The following LIN54 variants were observed in gnomAD, a reference collection of about 807,000 sequenced individuals.
LIN54 encodes protein lin-54 homolog.
In LIN54, 9 loss-of-function variants were observed where a neutral mutation model predicts 78.7. The ratio of observed to expected loss-of-function variants is 0.11; its 90% CI spans 0.07 to 0.20. LIN54 has a LOEUF of 0.20. Among genes scored for constraint, LIN54 ranks in the 10% least tolerant of loss-of-function variants. The pLI, the probability that LIN54 is intolerant of heterozygous loss-of-function variation, is 1.00. For missense variants in LIN54, 573 were observed against 889.9 expected, an observed-to-expected ratio of 0.64 and a Z score of 4.53; for synonymous variants, 269 against 318.4, an observed-to-expected ratio of 0.84 and a Z score of 1.65.
intron 1 of LIN54, among the ~76,000 whole-genome samples, chr4:82,987,482 T>C (rs1727267258): frequency 6.6e-6 from 1 of 152,174 alleles, no homozygotes; most frequent in Non-Finnish European, 1.5e-5. Context: ...ACGTGTGCCA[T>C]GGTGGTTTGC....
chr4:82,985,860 G>A (rs1727087800), intron 1 of LIN54, among the ~76,000 whole-genome samples: 1 of 151,900 alleles, frequency 6.6e-6, no homozygotes, highest in Non-Finnish European at 1.5e-5. Context: ...CATTTAAAGT[G>A]TCAAAAAGAA....
chr4:82,987,223 G>A (rs1423503921), intron 1 of LIN54, among the ~76,000 whole-genome samples: 1 of 152,012 alleles, frequency 6.6e-6, no homozygotes, highest in African/African-American at 2.4e-5. Context: ...GCCGGGAGGC[G>A]GAGGTTGCAG....
intron 4 of LIN54, among the ~76,000 whole-genome samples, chr4:82,963,500 G>C (rs933824892): frequency 2.0e-5 from 3 of 152,054 alleles, no homozygotes; most frequent in Non-Finnish European, 4.4e-5. Context: ...AGCTAAAACA[G>C]TAAAATGGGT....
chr4:82,996,937 A>G (rs982253830), intron 1 of LIN54, among the ~76,000 whole-genome samples: 1 of 151,890 alleles, frequency 6.6e-6, no homozygotes, highest in Non-Finnish European at 1.5e-5. Flanking sequence ...TGGCCCAGGT[A>G]CTCTATCCCA....
intron 1 of LIN54, among the ~76,000 whole-genome samples, chr4:82,992,424 T>C (rs1727805804): frequency 6.6e-6 from 1 of 152,122 alleles, no homozygotes; most frequent in Non-Finnish European, 1.5e-5. Flanking sequence ...ACACCTGTAA[T>C]CTCAGAACTT....
At position 82,934,401 on chromosome 4, in the gene LIN54, G is replaced by A. The variant is rs187975601; in HGVS notation, c.1845+1580C>T. ...AGCCTGGGCGACAGGGCGAGACTCCGTCTCAAAAACAAAATAACAACAACA... is the reference window on the plus strand; with the variant it reads ...AGCCTGGGCGACAGGGCGAGACTCCATCTCAAAAACAAAATAACAACAACA... On this transcript the variant is annotated intron_variant, in intron 11 of 12. Coordinates refer to ENST00000340417, the MANE Select transcript of LIN54 (RefSeq NM_194282.4). Among the ~76,000 whole-genome samples the A allele has an allele frequency of 6.5e-3, 994 of 152,214 alleles. 7 individuals are homozygous for A. The highest frequency in any genetic ancestry group is 0.022 in the African/African-American group (905 of 41,516).
chr4:82,956,790 T>C (rs1724372872), intron 4 of LIN54, among the ~76,000 whole-genome samples: 1 of 152,068 alleles, frequency 6.6e-6, no homozygotes, highest in South Asian at 2.1e-4. Flanking sequence ...CTTTCTTCTT[T>C]TTCTTAAAAA....
At chr4:82,963,726 A>C (rs906960126) in intron 4 of LIN54, among the ~76,000 whole-genome samples, 8 of 152,146 alleles carry the variant, frequency 5.3e-5, no homozygotes, top group African/African-American at 1.9e-4. Flanking sequence ...AAACGTGGAG[A>C]TAAAATAGAA....
At chr4:82,940,076 C>T (rs907513187) in intron 5 of LIN54, 114 bp from the exon 6 acceptor site, 1 of 733,890 alleles carries the variant, frequency 1.4e-6, no homozygotes, top group Non-Finnish European at 2.2e-6. Flanking sequence ...TAAAGAATTC[C>T]ATTTGATTCC....
intron 1 of LIN54, among the ~76,000 whole-genome samples, chr4:82,995,356 T>A (rs945061848): frequency 2.0e-5 from 3 of 151,002 alleles, no homozygotes; most frequent in South Asian, 2.1e-4. Context: ...TTAAATTTAA[T>A]TTTTTTTTAA....
chr4:82,962,296 A>G (rs1272440831), intron 4 of LIN54, among the ~76,000 whole-genome samples: 3 of 152,224 alleles, frequency 2.0e-5, no homozygotes, highest in Non-Finnish European at 4.4e-5. Context: ...TTTCAGCTCT[A>G]AAAGTTCAAC....
intron 2 of LIN54, among the ~76,000 whole-genome samples, chr4:82,980,648 T>G (rs1368532358): frequency 1.3e-5 from 2 of 152,166 alleles, no homozygotes; most frequent in African/African-American, 4.8e-5. Context: ...TCTATAATTA[T>G]ACTCTAGAAA....
At chr4:82,942,212 A>G (rs1722964522) in intron 5 of LIN54, among the ~76,000 whole-genome samples, 1 of 152,192 alleles carries the variant, frequency 6.6e-6, no homozygotes, top group South Asian at 2.1e-4. Flanking sequence ...CTAGAAGAGA[A>G]TCTTAGAGTA....
rs573358670 is a variant in LIN54 at position 82,951,636 on chromosome 4, A to G, written c.952-5162T>C. 1.4e-3 allele frequency among the ~76,000 whole-genome samples: 211 copies of G among 152,310 alleles called. 2 individuals carry two copies. Among genetic ancestry groups the G allele is most frequent in the African/African-American group, 4.7e-3 (195 of 41,582 alleles). ...TTTATAAAAGTGGGCATCTCAAATC[A>G]ATGGAGAATGATAATAATGTGGATT... is the stretch of plus-strand genomic sequence containing the variant. On this transcript the variant is annotated intron_variant, in intron 4 of 12. Coordinates refer to ENST00000340417, the MANE Select transcript of LIN54 (RefSeq NM_194282.4).
At chr4:82,997,933 G>T (rs577236069) in intron 1 of LIN54, among the ~76,000 whole-genome samples, 1 of 150,280 alleles carries the variant, frequency 6.7e-6, no homozygotes, top group Admixed American at 6.7e-5. Flanking sequence ...GGCAGAGGTT[G>T]CAGTGAACCA....
chr4:82,992,985 G>A (rs1469019181), intron 1 of LIN54, among the ~76,000 whole-genome samples: 6 of 147,184 alleles, frequency 4.1e-5, no homozygotes, highest in Admixed American at 2.8e-4. Flanking sequence ...CTGAGATCAC[G>A]CCACTGCACT....
intron 4 of LIN54, among the ~76,000 whole-genome samples, chr4:82,953,154 A>T (rs953730584): frequency 1.3e-5 from 2 of 151,980 alleles, no homozygotes; most frequent in African/African-American, 2.4e-5. Flanking sequence ...ACGCCCAGCT[A>T]ATTTTTTAAT....
At chr4:82,944,097 C>T (rs538985718) in intron 5 of LIN54, among the ~76,000 whole-genome samples, 2 of 151,986 alleles carry the variant, frequency 1.3e-5, no homozygotes, top group South Asian at 4.2e-4. Context: ...TCTCAAACTC[C>T]CAACCTCAAG....
intron 5 of LIN54, among the ~76,000 whole-genome samples, chr4:82,942,883 CA>C (rs1348851228): frequency 7.9e-5 from 12 of 151,934 alleles, no homozygotes; most frequent in Admixed American, 2.0e-4. Flanking sequence ...CACACACACA[CA>C]CACACACACC....
Sources: gnomAD v4.1 joint callset for allele counts (sites outside exome capture counted in the v4.1 genomes callset) on GRCh38, gnomAD v4.1.1 for gene constraint, MANE v1.5 for transcripts, NCBI Gene and HGNC (gene_info 2026-07-23, HGNC 2026-07-21) for gene names.